Variants in VPS13B observed in about 807,000 individuals in gnomAD.
The protein encoded by VPS13B is intermembrane lipid transfer protein VPS13B.
VPS13B carries 285 observed loss-of-function variants against 426.4 expected under a neutral mutation model. The ratio of observed to expected loss-of-function variants is 0.67; its 90% CI spans 0.61 to 0.74. The LOEUF (loss-of-function observed/expected upper bound fraction) is 0.74. Among genes scored for constraint, VPS13B ranks in the 30% least tolerant of loss-of-function variants. The pLI is 0.00. For missense variants in VPS13B, 4,537 were observed against 4,782.6 expected (o/e 0.95, Z 1.51); for synonymous variants, 1,676 against 1,676.4 (o/e 1.00, Z 0.01).
chr8:99,320,903 T>C (rs900773719), intron 19 of VPS13B, among the ~76,000 whole-genome samples: 5 of 152,246 alleles, frequency 3.3e-5, no homozygotes. Flanking sequence ...GCAAACCTGC[T>C]TGCCTTTGAC....
chr8:99,337,718 A>G (rs934739461), intron 19 of VPS13B, among the ~76,000 whole-genome samples: 1 of 152,066 alleles, frequency 6.6e-6, no homozygotes, highest in African/African-American at 2.4e-5. Context: ...AAATTTTAAT[A>G]CCTTGGTAAA....
rs1563523539 is a variant in VPS13B at position 99,876,170 on chromosome 8, G to C, written c.*504G>C. On this transcript the variant is annotated 3_prime_UTR_variant, in exon 62 of 62. Transcript: ENST00000357162. The stretch of plus-strand genomic sequence containing the variant: ...AGAGCCAGAGTTAAAACTTCAAGTT[G>C]CATCTGTTTTTGGGCTGAGTCACCA... 5.9e-6 allele frequency: 1 copy of C among 168,964 alleles called. No individual in the cohort carries two copies. The highest frequency in any genetic ancestry group is 1.3e-5 in the Non-Finnish European group (1 of 77,238). 10.5% of individuals were successfully genotyped at this position (168,964 alleles called of 1,614,324 possible). A position where few individuals can be genotyped will look rare whatever the true frequency, so the allele number is the denominator to read the frequency against.
intron 54 of VPS13B, among the ~76,000 whole-genome samples, chr8:99,846,601 G>T (rs185399053): frequency 1.0e-3 from 153 of 152,312 alleles, no homozygotes; most frequent in Middle Eastern, 3.4e-3. Context: ...GACAAGGATA[G>T]ACTAAAGTCT....
At chr8:99,101,042 CAA>C (rs757811852) in intron 4 of VPS13B, among the ~76,000 whole-genome samples, 1 of 129,772 alleles carries the variant, frequency 7.7e-6, no homozygotes. Flanking sequence ...AGACTAGTCT[CAA>C]AAAAAAAAAA....
chr8:99,289,209 C>T (rs953754340), intron 19 of VPS13B, among the ~76,000 whole-genome samples: 3 of 152,086 alleles, frequency 2.0e-5, no homozygotes, highest in African/African-American at 7.2e-5. Flanking sequence ...GAAGTTAATA[C>T]TCTAGATAAT....
At chr8:99,079,404 C>T (rs1422772566) in intron 3 of VPS13B, among the ~76,000 whole-genome samples, 2 of 152,116 alleles carry the variant, frequency 1.3e-5, no homozygotes, top group Non-Finnish European at 2.9e-5. Context: ...CTTACTCCCA[C>T]CTCCCCAAAA....
intron 33 of VPS13B, among the ~76,000 whole-genome samples, chr8:99,584,037 C>T (rs552648684): frequency 1.1e-4 from 17 of 152,178 alleles, no homozygotes; most frequent in Admixed American, 8.5e-4. Flanking sequence ...CCTGGATAGA[C>T]CACTTGTAAC....
chr8:99,691,614 CTAGG>C (rs1355764569), intron 35 of VPS13B, among the ~76,000 whole-genome samples: 3 of 151,382 alleles, frequency 2.0e-5, no homozygotes, highest in Non-Finnish European at 4.4e-5. Flanking sequence ...ACCATCGAGA[CTAGG>C]AAGAAACTGC....
rs1315295199 is a variant in VPS13B at position 99,357,066 on chromosome 8, G to A, written c.2825-27142G>A. Among the ~76,000 whole-genome samples, 3 of 152,160 alleles carry A rather than the reference G, an allele frequency of 2.0e-5. No homozygotes were observed. The South Asian group carries it at 6.2e-4, about 32-fold the overall frequency. On this transcript the variant is annotated intron_variant, in intron 19 of 61. Transcript: ENST00000357162. ...AATAAAGCTAATTCAACTTTTCTAC[G>A]TTAATTTCTTCTATGTGAAAACACT... is the stretch of plus-strand genomic sequence containing the variant.
intron 27 of VPS13B, among the ~76,000 whole-genome samples, chr8:99,505,022 A>T (rs1380967029): frequency 6.6e-6 from 1 of 152,332 alleles, no homozygotes; most frequent in East Asian, 1.9e-4. Context: ...TGTTATAGAG[A>T]TGCCTTCTTT....
rs73702019 is a variant in VPS13B at position 99,484,621 on chromosome 8, A to G, written c.3870+2819A>G. On this transcript the variant is annotated intron_variant, in intron 25 of 61. Transcript: ENST00000357162. ...AACAATGACTATGTTTTCTTATGTC[A>G]TCATTTACTGGCTAATTTTGAAAGA... Among the ~76,000 whole-genome samples, 648 of 152,246 alleles carry G rather than the reference A, an allele frequency of 4.3e-3. 5 individuals carry two copies. Among genetic ancestry groups the G allele is most frequent in the African/African-American group, 0.014 (599 of 41,548 alleles).
chr8:99,562,372 C>T (rs1311389909), intron 31 of VPS13B, among the ~76,000 whole-genome samples: 2 of 152,014 alleles, frequency 1.3e-5, no homozygotes, highest in Non-Finnish European at 2.9e-5. Context: ...CCTCTGCCTC[C>T]TGGGTTCAAC....
At chr8:99,426,133 A>T (rs1015097545) in intron 21 of VPS13B, among the ~76,000 whole-genome samples, 1 of 145,962 alleles carries the variant, frequency 6.9e-6, no homozygotes, top group African/African-American at 2.6e-5. Flanking sequence ...TCATTGTTCA[A>T]TTCCCACCTA....
At chr8:99,234,387 T>C in intron 17 of VPS13B, 1 of 712,026 alleles carries the variant, frequency 1.4e-6, no homozygotes, top group Middle Eastern at 4.0e-4. Flanking sequence ...CAAATCTGAA[T>C]TTTCCTGTTC....
chr8:99,177,000 A>C (rs1312452405), intron 16 of VPS13B, among the ~76,000 whole-genome samples: 1 of 152,222 alleles, frequency 6.6e-6, no homozygotes. Context: ...TGCCATTAAG[A>C]AAATTATTGA....
At chr8:99,115,923 AC>A (rs1482942497) in intron 7 of VPS13B, 49 bp downstream of exon 7, 1 of 1,578,930 alleles carries the variant, frequency 6.3e-7, no homozygotes, top group African/African-American at 1.4e-5. Context: ...GACTATTCTT[AC>A]GTTTTACCAT....
intron 23 of VPS13B, among the ~76,000 whole-genome samples, chr8:99,448,993 T>C (rs994714545): frequency 6.6e-6 from 1 of 152,176 alleles, no homozygotes; most frequent in African/African-American, 2.4e-5. Context: ...TTTTGTTCAG[T>C]AAATGTTTCT....
At chr8:99,294,352 G>C (rs1293648089) in intron 19 of VPS13B, among the ~76,000 whole-genome samples, 1 of 124,076 alleles carries the variant, frequency 8.1e-6, no homozygotes, top group Non-Finnish European at 1.7e-5. Flanking sequence ...AGATCACATG[G>C]ACACAGGAAG....
intron 19 of VPS13B, among the ~76,000 whole-genome samples, chr8:99,313,028 T>G (rs1821099598): frequency 6.6e-6 from 1 of 152,222 alleles, no homozygotes; most frequent in Non-Finnish European, 1.5e-5. Context: ...TCAGGTCATT[T>G]AAGGACTTCT....
Sources: gnomAD v4.1 joint callset for allele counts (sites outside exome capture counted in the v4.1 genomes callset) on GRCh38, gnomAD v4.1.1 for gene constraint, MANE v1.5 for transcripts, NCBI Gene and HGNC (gene_info 2026-07-23, HGNC 2026-07-21) for gene names.